IGFL2: variants seen among roughly 807,000 people sequenced by gnomAD.
IGFL2 encodes the protein IGF like family member 2.
IGFL2 carries 7 observed loss-of-function variants against 13.9 expected under a neutral mutation model. That is an observed-to-expected ratio of 0.51 (90% CI 0.29 to 0.95). The LOEUF (loss-of-function observed/expected upper bound fraction) is 0.95. IGFL2 is among the 40% of genes least tolerant of loss of function. The pLI is 0.08. For missense variants in IGFL2, 138 were observed against 147.8 expected, an observed-to-expected ratio of 0.93 and a Z score of 0.34; for synonymous variants, 55 against 55.8, an observed-to-expected ratio of 0.99 and a Z score of 0.07.
the IGFL2 span, among the ~76,000 whole-genome samples, chr19:46,188,530 C>T: frequency 6.6e-6 from 1 of 152,148 alleles, no homozygotes; most frequent in Non-Finnish European, 1.5e-5. Flanking sequence ...AATGGGTGAT[C>T]AGAAGCTCAG....
Position 46,148,459 on chromosome 19 carries a change from G to T in IGFL2, c.19+162G>T, listed in dbSNP as rs1568423471. Among the ~76,000 whole-genome samples, 4 of 152,134 alleles carry T rather than the reference G, an allele frequency of 2.6e-5. 1 individual carries two copies. In the South Asian group the frequency reaches 8.3e-4, roughly 32 times the overall value. On this transcript the variant is annotated intron_variant, in intron 1 of 3. Coordinates refer to ENST00000377693, the MANE Select transcript of IGFL2 (RefSeq NM_001135113.2). ...GCATTGCAATCTCTCTTCCCCACCTGCAAATTCCAGAAGCTTAACCCTTTC... is the reference window on the plus strand; with the variant it reads ...GCATTGCAATCTCTCTTCCCCACCTTCAAATTCCAGAAGCTTAACCCTTTC...
chr19:46,148,287 C>T lies in IGFL2; in HGVS notation c.9C>T (p.Pro3=). ...AGCTGCTCTGAAGCTCCATGGTGCCCAGAATCTTCGGTAAGGTAACCCTTG... is the reference window on the plus strand; with the variant it reads ...AGCTGCTCTGAAGCTCCATGGTGCCTAGAATCTTCGGTAAGGTAACCCTTG... The part of the protein sequence containing the change: MV[P]RIFAPAYVSV... The change falls in exon 1 of 4, where the codon CCC becomes CCT. Residue 3 remains proline (P), a synonymous_variant. Coordinates refer to ENST00000377693, the MANE Select transcript of IGFL2 (RefSeq NM_001135113.2). The T allele has an allele frequency of 1.3e-6, 2 of 1,551,560 alleles. No homozygotes were observed. Among genetic ancestry groups the T allele is most frequent in the South Asian group, 1.2e-5 (1 of 84,056 alleles).
intron 1 of IGFL2, among the ~76,000 whole-genome samples, chr19:46,155,056 G>C (rs185262571): frequency 6.6e-6 from 1 of 152,100 alleles, no homozygotes; most frequent in African/African-American, 2.4e-5. Context: ...TCCTCTTCTC[G>C]GTTTGCCCTT....
chr19:46,174,991 C>T, the IGFL2 span, among the ~76,000 whole-genome samples: 31 of 152,102 alleles, frequency 2.0e-4, no homozygotes, highest in African/African-American at 7.5e-4. Context: ...GCTTGCTTGT[C>T]AAGAATCTGG....
At position 46,160,350 on chromosome 19, in the gene IGFL2, C is replaced by G. The variant is rs1330238313; in HGVS notation, c.20-65C>G. The G allele has an allele frequency of 9.5e-6, 14 of 1,476,688 alleles. No homozygotes were observed. In the African/African-American group the frequency reaches 1.4e-4, roughly 15 times the overall value. 91.5% of individuals were successfully genotyped at this position (1,476,688 alleles called of 1,614,324 possible). On this transcript the variant is annotated intron_variant, in intron 1 of 3. Coordinates refer to ENST00000377693, the MANE Select transcript of IGFL2 (RefSeq NM_001135113.2). ...AGCCTTCCCCACCCTGGCCTGCCCTCCCTGAGATCAACCTAGTGGCCACAC... is the reference window on the plus strand; with the variant it reads ...AGCCTTCCCCACCCTGGCCTGCCCTGCCTGAGATCAACCTAGTGGCCACAC...
At chr19:46,195,917 G>A in the IGFL2 span, 1 of 152,356 alleles carries the variant, frequency 6.6e-6, no homozygotes, top group Non-Finnish European at 1.5e-5. Flanking sequence ...GTAACATTGT[G>A]GCTGTGTGAG....
the IGFL2 span, among the ~76,000 whole-genome samples, chr19:46,170,203 T>G: frequency 6.6e-6 from 1 of 151,492 alleles, no homozygotes; most frequent in Non-Finnish European, 1.5e-5. Context: ...TGAGACTCAC[T>G]GTGTTGGTGT....
chr19:46,198,700 G>A, the IGFL2 span, among the ~76,000 whole-genome samples: 175 of 152,244 alleles, frequency 1.1e-3, no homozygotes, highest in African/African-American at 4.0e-3. Context: ...CCTTTGCAAG[G>A]AGAGAGAGAT....
At position 46,161,209 on chromosome 19, in the gene IGFL2, A is replaced by G. The variant is rs1196872602; in HGVS notation, c.*121A>G. On this transcript the variant is annotated 3_prime_UTR_variant, in exon 4 of 4. Coordinates refer to ENST00000377693, the MANE Select transcript of IGFL2 (RefSeq NM_001135113.2). ...AAATGATGCAGCTCCAAGCCATTGTATGGCCCATGTGGGAGACTGATGGGA... is the reference window on the plus strand; with the variant it reads ...AAATGATGCAGCTCCAAGCCATTGTGTGGCCCATGTGGGAGACTGATGGGA... 2.8e-6 allele frequency: 2 copies of G among 706,244 alleles called. No homozygotes were observed. Among genetic ancestry groups the G allele is most frequent in the Non-Finnish European group, 4.9e-6 (2 of 410,660 alleles). 43.7% of individuals were successfully genotyped at this position (706,244 alleles called of 1,614,324 possible). A position where few individuals can be genotyped will look rare whatever the true frequency, so the allele number is the denominator to read the frequency against.
upstream of IGFL2, among the ~76,000 whole-genome samples, chr19:46,146,700 G>A (rs1258691214): frequency 6.6e-6 from 1 of 152,104 alleles, no homozygotes; most frequent in Non-Finnish European, 1.5e-5. Flanking sequence ...GGGGGGTATT[G>A]TAAATGGCAT....
chr19:46,134,849 T>A, the IGFL2 span, among the ~76,000 whole-genome samples: 1 of 152,090 alleles, frequency 6.6e-6, no homozygotes, highest in South Asian at 2.1e-4. Flanking sequence ...GGCCTGTGGG[T>A]TGGGGACCCC....
chr19:46,148,812 C>T, intron 1 of IGFL2: 1 of 1,462,588 alleles, frequency 6.8e-7, no homozygotes, highest in Non-Finnish European at 9.0e-7. Context: ...CTCATCAGCT[C>T]TGACTCTTCC....
At chr19:46,138,011 C>T in the IGFL2 span, among the ~76,000 whole-genome samples, 19 of 152,142 alleles carry the variant, frequency 1.2e-4, no homozygotes, top group Non-Finnish European at 2.5e-4. Context: ...CTTCTGAATT[C>T]TGTCTGTTAT....
At chr19:46,091,219 G>A in the IGFL2 span, among the ~76,000 whole-genome samples, 2 of 152,162 alleles carry the variant, frequency 1.3e-5, no homozygotes, top group African/African-American at 4.8e-5. Context: ...CCAAATGCCT[G>A]TAGCCTCATA....
the IGFL2 span, among the ~76,000 whole-genome samples, chr19:46,090,205 A>T: frequency 1.3e-5 from 2 of 152,052 alleles, no homozygotes; most frequent in African/African-American, 4.8e-5. Context: ...TGAGTTTTTT[A>T]AAATTATTTC....
the IGFL2 span, among the ~76,000 whole-genome samples, chr19:46,088,310 A>T: frequency 2.6e-5 from 4 of 152,138 alleles, no homozygotes; most frequent in African/African-American, 9.7e-5. Context: ...GTGTCTTTTG[A>T]TTGGATAATT....
chr19:46,181,336 A>C, the IGFL2 span: 1 of 152,214 alleles, frequency 6.6e-6, no homozygotes, highest in Non-Finnish European at 1.5e-5. Context: ...AGCCACATTC[A>C]TAAGGTGAGT....
chr19:46,100,013 G>A, the IGFL2 span, among the ~76,000 whole-genome samples: 2 of 152,094 alleles, frequency 1.3e-5, no homozygotes, highest in African/African-American at 4.8e-5. Context: ...ATTCTAGTTA[G>A]CAGCTCCTAT....
the IGFL2 span, among the ~76,000 whole-genome samples, chr19:46,168,060 G>A: frequency 6.6e-6 from 1 of 152,152 alleles, no homozygotes; most frequent in East Asian, 1.9e-4. Context: ...AGTCAAAGCC[G>A]TGAATACCGA....
Sources: gnomAD v4.1 joint callset for allele counts (sites outside exome capture counted in the v4.1 genomes callset) on GRCh38, gnomAD v4.1.1 for gene constraint, MANE v1.5 for transcripts, NCBI Gene and HGNC (gene_info 2026-07-23, HGNC 2026-07-21) for gene names.